ANKRD44: variants seen among roughly 807,000 people sequenced by gnomAD.
The protein encoded by ANKRD44 is ankyrin repeat domain 44, also known as serine/threonine-protein phosphatase 6 regulatory ankyrin repeat subunit B.
Under a neutral mutation model 116.0 loss-of-function variants are expected in ANKRD44, and 35 were observed. The ratio of observed to expected loss-of-function variants is 0.30; its 90% CI spans 0.23 to 0.40. The LOEUF (loss-of-function observed/expected upper bound fraction) is 0.40. Ranked by LOEUF, ANKRD44 falls within the 10% of genes least tolerant of loss-of-function variation. The probability of loss-of-function intolerance (pLI) is 1.00; values close to 1 mark genes in which losing one functional copy is unlikely to be tolerated. For missense variants in ANKRD44, 1,014 were observed against 1,242.6 expected, an observed-to-expected ratio of 0.82 and a Z score of 2.77; for synonymous variants, 435 against 461.8, an observed-to-expected ratio of 0.94 and a Z score of 0.74.
intron 21 of ANKRD44, among the ~76,000 whole-genome samples, chr2:196,981,618 A>AT (rs1410586973): frequency 6.6e-6 from 1 of 151,828 alleles, no homozygotes; most frequent in Non-Finnish European, 1.5e-5. Context: ...TCTACTAAAA[A>AT]TTTTTTTAAA....
rs1056974462 is a variant in ANKRD44 at position 197,216,047 on chromosome 2, C to A, written c.28-28941G>T. On this transcript the variant is annotated intron_variant, in intron 1 of 27. Coordinates refer to ENST00000282272, the MANE Select transcript of ANKRD44 (RefSeq NM_001195144.2). ...AAACCAATCGGGGTTCAAGGACTTG[C>A]TCTGCCCCTTGCTGGCTCCAACTAT... Among the ~76,000 whole-genome samples the A allele has an allele frequency of 5.6e-4, 85 of 152,174 alleles. 3 individuals are homozygous for A. Among genetic ancestry groups the A allele is most frequent in the Non-Finnish European group, 1.0e-4 (7 of 68,032 alleles).
chr2:197,107,281 T>A (rs2078453866), intron 9 of ANKRD44, among the ~76,000 whole-genome samples: 1 of 152,210 alleles, frequency 6.6e-6, no homozygotes. Flanking sequence ...TTTCAAACTC[T>A]ATTTATTTTT....
At chr2:197,061,560 C>T (rs2077313652) in intron 16 of ANKRD44, among the ~76,000 whole-genome samples, 1 of 152,176 alleles carries the variant, frequency 6.6e-6, no homozygotes, top group Non-Finnish European at 1.5e-5. Context: ...GTGCGTAGAG[C>T]TCATGGGAAA....
In ANKRD44 at chr2:197,088,749, T is replaced by C; in HGVS notation, c.1209A>G (p.Lys403=). 6.2e-7 allele frequency: 1 copy of C among 1,612,422 alleles called. No individual in the cohort carries two copies. The highest frequency in any genetic ancestry group is 1.7e-5 in the Admixed American group (1 of 59,888). The change falls in exon 12 of 28, where the codon AAA becomes AAG. Residue 403 remains lysine, a synonymous_variant. Transcript: ENST00000282272. Reference sequence around the variant, plus strand: ...CAGCATGAAGGCACGTTCTTCCAAATTTATCTGGGGTGTCTATTTCAAAGC... The same window carrying C: ...CAGCATGAAGGCACGTTCTTCCAAACTTATCTGGGGTGTCTATTTCAAAGC... ...SSGFEIDTPD[K]FGRTCLHAAA...
chr2:197,050,181 C>T (rs1053178196), intron 16 of ANKRD44, among the ~76,000 whole-genome samples: 10 of 152,054 alleles, frequency 6.6e-5, no homozygotes, highest in Non-Finnish European at 1.5e-4. Context: ...CTTTAAATGA[C>T]CAGCTCTCAT....
At chr2:197,088,870 G>C in intron 11 of ANKRD44, 96 bp from the exon 12 acceptor site, 1 of 1,374,390 alleles carries the variant, frequency 7.3e-7, no homozygotes, top group South Asian at 1.5e-5. Flanking sequence ...AGAAAAATCA[G>C]TTAGTAGAAA....
At chr2:197,076,779 GT>G (rs2077676992) in intron 16 of ANKRD44, among the ~76,000 whole-genome samples, 1 of 151,470 alleles carries the variant, frequency 6.6e-6, no homozygotes, top group Admixed American at 6.6e-5. Context: ...TCCTGTGTTT[GT>G]TTGCTAAAGA....
Position 197,201,273 on chromosome 2 carries a change from T to G in ANKRD44, c.28-14167A>C, listed in dbSNP as rs2081086389. Among the ~76,000 whole-genome samples, 1 of 152,206 alleles carries G rather than the reference T, an allele frequency of 6.6e-6. No individual in the cohort carries two copies. The highest frequency in any genetic ancestry group is 2.1e-4 in the South Asian group (1 of 4,832). On this transcript the variant is annotated intron_variant, in intron 1 of 27. Coordinates refer to ENST00000282272, the MANE Select transcript of ANKRD44 (RefSeq NM_001195144.2). This position sits in a 1 kb window ranked among gnomAD's most constrained non-coding sequence, Gnocchi z 4.0. ...ACGTGTGAAGACATAATCTTGACAG[T>G]CATATTACAGAAAATAAGGGAGTGA...
intron 12 of ANKRD44, 32 bp downstream of exon 12, chr2:197,088,677 ACT>A: frequency 6.9e-7 from 1 of 1,446,916 alleles, no homozygotes; most frequent in East Asian, 2.3e-5. Context: ...TGAATTAGTA[ACT>A]CATAAATTAA....
At chr2:197,044,032 T>C (rs558922191) in intron 16 of ANKRD44, among the ~76,000 whole-genome samples, 16 of 152,338 alleles carry the variant, frequency 1.1e-4, no homozygotes, top group African/African-American at 3.8e-4. Flanking sequence ...GTCCATATCT[T>C]AAAATAACAA....
intron 10 of ANKRD44, among the ~76,000 whole-genome samples, chr2:197,097,670 G>A (rs914371316): frequency 1.3e-5 from 2 of 152,134 alleles, no homozygotes; most frequent in African/African-American, 2.4e-5. Flanking sequence ...CTGGACATTT[G>A]CAAGAGGCTG....
At chr2:196,978,987 GATT>G (rs963415604) in intron 21 of ANKRD44, among the ~76,000 whole-genome samples, 6 of 151,752 alleles carry the variant, frequency 4.0e-5, no homozygotes, top group Non-Finnish European at 7.4e-5. Flanking sequence ...TAGTCGTAAA[GATT>G]ATTAATTCTG....
At chr2:196,967,536 A>G (rs1270476441) in intron 21 of ANKRD44, 3 of 416,912 alleles carry the variant, frequency 7.2e-6, no homozygotes, top group South Asian at 1.6e-5. Flanking sequence ...AAGTGCAATT[A>G]TGTTAATTTT....
intron 2 of ANKRD44, among the ~76,000 whole-genome samples, chr2:197,160,192 C>T (rs1226164461): frequency 6.6e-6 from 1 of 152,176 alleles, no homozygotes; most frequent in Non-Finnish European, 1.5e-5. Flanking sequence ...AATAAATCAA[C>T]CTGATTACTC....
chr2:197,108,868 C>CAAAAAAA (rs1278191964), intron 9 of ANKRD44, among the ~76,000 whole-genome samples: 10 of 80,254 alleles, frequency 1.2e-4, no homozygotes, highest in African/African-American at 4.7e-4. Context: ...ACAACAACAA[C>CAAAAAAA]AACAAAAACA....
At chr2:197,187,673 T>C (rs1381461556) in intron 1 of ANKRD44, among the ~76,000 whole-genome samples, 7 of 150,072 alleles carry the variant, frequency 4.7e-5, no homozygotes, top group Admixed American at 3.9e-4. Context: ...TCTCTCTCTC[T>C]CTCTCCCTCT....
chr2:197,188,627 A>G (rs986799025), intron 1 of ANKRD44, among the ~76,000 whole-genome samples: 38 of 152,344 alleles, frequency 2.5e-4, no homozygotes, highest in African/African-American at 8.2e-4. Context: ...GAGGTAGTAC[A>G]TGAGAAAATG....
At chr2:197,293,296 G>C (rs1297645368) in intron 1 of ANKRD44, among the ~76,000 whole-genome samples, 1 of 152,160 alleles carries the variant, frequency 6.6e-6, no homozygotes, top group African/African-American at 2.4e-5. Flanking sequence ...GTTAACCAGA[G>C]TCTTAGATAC....
chr2:197,034,049 C>CCAGAGAGA (rs1491563139), intron 16 of ANKRD44, among the ~76,000 whole-genome samples: 1 of 13,252 alleles, frequency 7.5e-5, no homozygotes, highest in Non-Finnish European at 2.0e-4. Context: ...CATATGAGGG[C>CCAGAGAGA]TAGAGAGAGA....
Sources: gnomAD v4.1 joint callset for allele counts (sites outside exome capture counted in the v4.1 genomes callset) on GRCh38, gnomAD v4.1.1 for gene constraint, Gnocchi (gnomAD v3.1) non-coding constraint, MANE v1.5 for transcripts, NCBI Gene and HGNC (gene_info 2026-07-23, HGNC 2026-07-21) for gene names.